CDKL1: variants seen among roughly 807,000 people sequenced by gnomAD.
CDKL1 encodes cyclin dependent kinase like 1, also known as cyclin-dependent kinase-like 1.
CDKL1 carries 41 observed loss-of-function variants against 42.0 expected under a neutral mutation model. The observed-to-expected ratio is 0.98, with a 90% confidence interval of 0.76 to 1.27. The LOEUF (loss-of-function observed/expected upper bound fraction) is 1.27. Ranked by LOEUF, CDKL1 falls within the 50% of genes most tolerant of loss-of-function variation. The pLI, the probability that CDKL1 is intolerant of heterozygous loss-of-function variation, is 0.00. For synonymous variants in CDKL1, 153 were observed against 158.6 expected, an observed-to-expected ratio of 0.96 and a Z score of 0.26; for missense variants, 394 against 428.4, an observed-to-expected ratio of 0.92 and a Z score of 0.71.
chr14:50,389,121 AAAGAG>A (rs1442055348), intron 2 of CDKL1, among the ~76,000 whole-genome samples: 1 of 139,226 alleles, frequency 7.2e-6, no homozygotes, highest in Non-Finnish European at 1.6e-5. Context: ...AAAAAAAAAA[AAAGAG>A]AGAGAAAAGA....
At chr14:50,334,516 A>G (rs1361196907) in intron 8 of CDKL1, 49 bp downstream of exon 8, 3 of 1,018,254 alleles carry the variant, frequency 2.9e-6, no homozygotes, top group Admixed American at 1.9e-5. Context: ...TTCCCCAGTG[A>G]TGACAACTGC....
rs747582549 is a variant in CDKL1 at position 50,335,494 on chromosome 14, C to T, written c.739-873G>A. 11 of 1,535,964 alleles carry T rather than the reference C, an allele frequency of 7.2e-6. No homozygotes were observed. The East Asian group carries it at 2.2e-4, about 31-fold the overall frequency. On this transcript the variant is annotated intron_variant, in intron 7 of 9. Coordinates refer to ENST00000395834, the MANE Select transcript of CDKL1 (RefSeq NM_004196.7). ...AAACAGTCTCCTGTGGGGCATTCGT[C>T]AATCTCCTTTTGGCCGTATAAGGCG...
At chr14:50,341,348 G>T in intron 5 of CDKL1, 116 bp from the exon 6 acceptor site, 1 of 1,346,742 alleles carries the variant, frequency 7.4e-7, no homozygotes, top group Non-Finnish European at 9.7e-7. Context: ...TATATCGCTG[G>T]TTCTCAATTC....
At chr14:50,389,942 G>C (rs3783411) in intron 2 of CDKL1, among the ~76,000 whole-genome samples, 9,299 of 152,178 alleles carry the variant, frequency 0.061, 415 homozygotes, top group African/African-American at 0.12. Context: ...TACTGACCGG[G>C]AGGCCTTGGC....
chr14:50,335,560 A>G (rs1223477421), intron 7 of CDKL1: 8 of 1,535,904 alleles, frequency 5.2e-6, no homozygotes, highest in Admixed American at 2.0e-5. Flanking sequence ...CAGGAATAAC[A>G]CTATAAATGG....
intron 6 of CDKL1, 106 bp downstream of exon 6, chr14:50,340,926 C>A: frequency 8.4e-7 from 1 of 1,190,254 alleles, no homozygotes; most frequent in South Asian, 1.5e-5. Flanking sequence ...TCTTTCCTAA[C>A]TAATGCCTTA....
intron 9 of CDKL1, 193 bp downstream of exon 9, chr14:50,332,069 G>C: frequency 6.4e-7 from 1 of 1,551,416 alleles, no homozygotes; most frequent in Admixed American, 1.9e-5. Context: ...GCAGGACAAG[G>C]GCACCTTTAG....
rs1476392839 is a variant in CDKL1, at chr14:50,359,160, A to G, written c.169-11T>C. 17 of 1,593,110 alleles carry G rather than the reference A, an allele frequency of 1.1e-5. No individual in the cohort carries two copies. Among genetic ancestry groups the G allele is most frequent in the Non-Finnish European group, 1.5e-5 (17 of 1,166,884 alleles). On this transcript the variant is annotated splice_polypyrimidine_tract_variant and intron_variant, in intron 2 of 9. Transcript: ENST00000395834. ...GGGATGCTTGAGTTGCTGAAAACAC[A>G]AAAAAACAAGTTACTAAATTTGACT...
intron 3 of CDKL1, among the ~76,000 whole-genome samples, chr14:50,350,469 G>C (rs1254001582): frequency 6.6e-6 from 1 of 152,176 alleles, no homozygotes; most frequent in African/African-American, 2.4e-5. Flanking sequence ...TAATCTATGA[G>C]AGAAGAAGGG....
At chr14:50,364,202 A>T (rs1417857274) in intron 2 of CDKL1, among the ~76,000 whole-genome samples, 1 of 152,104 alleles carries the variant, frequency 6.6e-6, no homozygotes, top group Non-Finnish European at 1.5e-5. Flanking sequence ...GGGCGTGGTG[A>T]CTCATGCCTG....
At position 50,359,725 on chromosome 14, in the gene CDKL1, G is replaced by T. The variant is rs149030920; in HGVS notation, c.169-576C>A. Among the ~76,000 whole-genome samples, 24 of 150,084 alleles carry T rather than the reference G, an allele frequency of 1.6e-4. No homozygotes were observed. In the East Asian group the frequency reaches 4.3e-3, roughly 27 times the overall value. On this transcript the variant is annotated intron_variant, in intron 2 of 9. Transcript: ENST00000395834. The stretch of plus-strand genomic sequence containing the variant: ...TGTGTTGTTGTACTTCTAGCACCAG[G>T]CCGTGTACATAACAGGCATTCCATC...
At position 50,352,335 on chromosome 14, in the gene CDKL1, A is replaced by T. The variant is rs1003497937; in HGVS notation, c.290+6693T>A. The stretch of plus-strand genomic sequence containing the variant: ...CTAAGGTAGCACAATTATAAGAAAA[A>T]ATATATATATATAAATCCATATCTT... On this transcript the variant is annotated intron_variant, in intron 3 of 9. Transcript: ENST00000395834. 1.8e-4 allele frequency among the ~76,000 whole-genome samples: 27 copies of T among 151,846 alleles called. 1 individual carries two copies. The highest frequency in any genetic ancestry group is 8.3e-4 in the South Asian group (4 of 4,808).
At chr14:50,378,894 C>G (rs950732973) in intron 2 of CDKL1, among the ~76,000 whole-genome samples, 1 of 151,732 alleles carries the variant, frequency 6.6e-6, no homozygotes, top group Admixed American at 6.6e-5. Context: ...CTCTGTCACC[C>G]AGGCTGGAGT....
rs2032862415 is a variant in CDKL1 at position 50,330,235 on chromosome 14, A to G, written c.967-54T>C. 2.6e-6 allele frequency: 4 copies of G among 1,563,416 alleles called. No homozygotes were observed. In the East Asian group the frequency reaches 9.2e-5, roughly 36 times the overall value. ...CAAAACTGTGCCATGCATTTTTTTC[A>G]TTATTTAGAATATATCACAAAAGAG... On this transcript the variant is annotated intron_variant, in intron 9 of 9. Coordinates refer to ENST00000395834, the MANE Select transcript of CDKL1 (RefSeq NM_004196.7).
chr14:50,396,378 G>A lies in CDKL1; in HGVS notation c.-461-49C>T. The A allele has an allele frequency of 3.0e-6, 3 of 985,668 alleles. No homozygotes were observed. The South Asian group carries it at 1.4e-4, about 46-fold the overall frequency. The allele number at this position is 985,668 out of a possible 1,614,324, so 61.1% of individuals were successfully genotyped here. On this transcript the variant is annotated intron_variant, in intron 1 of 9. Transcript: ENST00000395834. Reference sequence around the variant, plus strand: ...AGGAATGAAGAGTGTACCCGTGTCGGCAATGGCAACGCGATCAGGAGTAAC... The same window carrying A: ...AGGAATGAAGAGTGTACCCGTGTCGACAATGGCAACGCGATCAGGAGTAAC...
At chr14:50,378,767 C>T (rs1595360789) in intron 2 of CDKL1, among the ~76,000 whole-genome samples, 1 of 152,064 alleles carries the variant, frequency 6.6e-6, no homozygotes, top group African/African-American at 2.4e-5. Flanking sequence ...AAACTCCTGG[C>T]CTCAAGCGAT....
chr14:50,343,776 C>G (rs771122477), intron 4 of CDKL1, among the ~76,000 whole-genome samples: 11 of 152,164 alleles, frequency 7.2e-5, no homozygotes, highest in Non-Finnish European at 1.2e-4. Context: ...CTTGCTCCCC[C>G]ATCCTAAAAC....
chr14:50,363,069 C>A, intron 2 of CDKL1: 1 of 395,912 alleles, frequency 2.5e-6, no homozygotes, highest in South Asian at 1.8e-5. Flanking sequence ...AAACACACTG[C>A]CTTAAGAGCT....
At chr14:50,393,945 A>C (rs1186571388) in intron 2 of CDKL1, among the ~76,000 whole-genome samples, 1 of 152,140 alleles carries the variant, frequency 6.6e-6, no homozygotes, top group Non-Finnish European at 1.5e-5. Flanking sequence ...CAATCCAACA[A>C]TGACATTTTT....
Sources: gnomAD v4.1 joint callset for allele counts (sites outside exome capture counted in the v4.1 genomes callset) on GRCh38, gnomAD v4.1.1 for gene constraint, MANE v1.5 for transcripts, NCBI Gene and HGNC (gene_info 2026-07-23, HGNC 2026-07-21) for gene names.